ANO3: variants seen among roughly 807,000 people sequenced by gnomAD.
The protein encoded by ANO3 is anoctamin-3.
Under a neutral mutation model 144.8 loss-of-function variants are expected in ANO3, and 99 were observed. The observed-to-expected ratio is 0.68, with a 90% confidence interval of 0.58 to 0.81. ANO3 has a LOEUF of 0.81. ANO3 is among the 30% of genes least tolerant of loss of function. The probability of loss-of-function intolerance (pLI) is 0.00; values close to 1 mark genes in which losing one functional copy is unlikely to be tolerated. For synonymous variants in ANO3, 414 were observed against 392.6 expected, an observed-to-expected ratio of 1.05 and a Z score of -0.64; for missense variants, 905 against 1,202.2, an observed-to-expected ratio of 0.75 and a Z score of 3.66.
chr11:26,644,695 A>G (rs1045256240), intron 23 of ANO3, among the ~76,000 whole-genome samples: 10 of 152,256 alleles, frequency 6.6e-5, no homozygotes, highest in African/African-American at 2.2e-4. Context: ...GCATTTTTCT[A>G]ACCGTGAGAT....
chr11:26,658,079 C>T (rs1039243712), intron 26 of ANO3, among the ~76,000 whole-genome samples: 2 of 150,570 alleles, frequency 1.3e-5, no homozygotes, highest in Non-Finnish European at 3.0e-5. Flanking sequence ...CAGTGTTTTT[C>T]TTCTAGTGGT....
At chr11:26,191,102 C>T (rs866066788) in intron 1 of ANO3, among the ~76,000 whole-genome samples, 1 of 151,906 alleles carries the variant, frequency 6.6e-6, no homozygotes, top group Non-Finnish European at 1.5e-5. Flanking sequence ...CATGAAGAAA[C>T]CCTGTGTCTA....
chr11:26,311,836 C>T (rs955267306), intron 1 of ANO3, among the ~76,000 whole-genome samples: 1 of 151,988 alleles, frequency 6.6e-6, no homozygotes. Context: ...GATTAAAAGC[C>T]TTCTCTTGTT....
intron 14 of ANO3, among the ~76,000 whole-genome samples, chr11:26,568,273 T>A (rs1205852275): frequency 6.6e-6 from 1 of 152,058 alleles, no homozygotes; most frequent in South Asian, 2.1e-4. Flanking sequence ...TTAATCCCAC[T>A]TTACAGATGA....
chr11:26,425,949 T>A (rs1157634051), intron 1 of ANO3, among the ~76,000 whole-genome samples: 1 of 152,156 alleles, frequency 6.6e-6, no homozygotes, highest in Non-Finnish European at 1.5e-5. Flanking sequence ...ATATATTCCC[T>A]CTGTGCCTAC....
chr11:26,461,125 C>T (rs765797859), intron 3 of ANO3, among the ~76,000 whole-genome samples: 9 of 151,712 alleles, frequency 5.9e-5, no homozygotes, highest in Non-Finnish European at 1.3e-4. Flanking sequence ...AGCGAGCGAG[C>T]GCGAGAGTGC....
At chr11:26,534,676 A>G (rs1849459881) in intron 9 of ANO3, 114 bp downstream of exon 9, 2 of 643,470 alleles carry the variant, frequency 3.1e-6, no homozygotes, top group Admixed American at 2.8e-5. Flanking sequence ...GATGTGTATA[A>G]CATATTGAAC....
chr11:26,546,897 G>T (rs1849803890), intron 11 of ANO3, among the ~76,000 whole-genome samples: 3 of 151,840 alleles, frequency 2.0e-5, no homozygotes, highest in African/African-American at 7.3e-5. Context: ...GTTAACCAGG[G>T]TAAGTGCCAT....
chr11:26,616,276 C>T (rs1269082156), intron 17 of ANO3, among the ~76,000 whole-genome samples: 1 of 152,104 alleles, frequency 6.6e-6, no homozygotes, highest in East Asian at 1.9e-4. Flanking sequence ...CTAATTGTAC[C>T]TGTTGGAGGT....
chr11:26,281,731 GCCTAAGA>G (rs1346495690), intron 1 of ANO3, among the ~76,000 whole-genome samples: 1 of 152,106 alleles, frequency 6.6e-6, no homozygotes, highest in African/African-American at 2.4e-5. Flanking sequence ...AAATTCTAAA[GCCTAAGA>G]CCTTGGTTAT....
intron 1 of ANO3, among the ~76,000 whole-genome samples, chr11:26,404,894 TA>T (rs1480558285): frequency 1.3e-5 from 2 of 150,842 alleles, no homozygotes; most frequent in Non-Finnish European, 3.0e-5. Flanking sequence ...GAAGATTTGC[TA>T]ATAACCAGTG....
intron 18 of ANO3, among the ~76,000 whole-genome samples, chr11:26,625,395 G>GA (rs1852551824): frequency 6.6e-6 from 1 of 152,004 alleles, no homozygotes. Context: ...CCTGTCCCCC[G>GA]ACACTCCATC....
At position 26,250,035 on chromosome 11, in the gene ANO3, G is replaced by A. The variant is rs527682290; in HGVS notation, c.155-59610G>A. ...GGAAGTGGCCCACATCACTGTCCCT[G>A]TCGCTTCCAAAGGCCACTGGCTAGA... On this transcript the variant is annotated intron_variant, in intron 1 of 27. Coordinates refer to the ANO3 transcript ENST00000672621. Among the ~76,000 whole-genome samples the A allele has an allele frequency of 1.6e-4, 24 of 152,294 alleles. No individual in the cohort carries two copies. In the East Asian group the frequency reaches 4.4e-3, roughly 28 times the overall value.
chr11:26,371,588 T>C (rs951937646), intron 1 of ANO3, among the ~76,000 whole-genome samples: 1 of 152,180 alleles, frequency 6.6e-6, no homozygotes, highest in African/African-American at 2.4e-5. Flanking sequence ...CGCCAGCCCA[T>C]GAGGGCAGCC....
chr11:26,642,030 G>T lies in ANO3; in HGVS notation c.2275+1G>T. ...CTGATGGATGAGTACTTAGAAATGG[G>T]TAAGGAAAAAAAATCTGCAGGACTA... On this transcript the variant is annotated splice_donor_variant, in intron 22 of 26. Coordinates refer to ENST00000256737, the MANE Select transcript of ANO3 (RefSeq NM_031418.4). LOFTEE classifies it high-confidence loss of function. The T allele has an allele frequency of 1.2e-6, 2 of 1,606,722 alleles. No homozygotes were observed. Among genetic ancestry groups the T allele is most frequent in the Non-Finnish European group, 1.7e-6 (2 of 1,177,470 alleles).
chr11:26,373,092 A>G (rs772886499), intron 1 of ANO3, among the ~76,000 whole-genome samples: 11 of 152,182 alleles, frequency 7.2e-5, no homozygotes, highest in Non-Finnish European at 1.0e-4. Context: ...GCAATTATGT[A>G]TATACGGGCA....
At chr11:26,450,106 A>G (rs1858870278) in intron 3 of ANO3, among the ~76,000 whole-genome samples, 1 of 152,122 alleles carries the variant, frequency 6.6e-6, no homozygotes, top group South Asian at 2.1e-4. Flanking sequence ...CCTAATACAT[A>G]GTTGTTTAGA....
At position 26,508,326 on chromosome 11, in the gene ANO3, G is replaced by A. The variant is rs577138251; in HGVS notation, c.591+64G>A. On this transcript the variant is annotated intron_variant, in intron 5 of 26. Transcript: ENST00000256737. ...GTTGGAACAGATATAATCACTTATG[G>A]TTTAGAAAGAAAAATATGTATCACA... 5 of 1,442,286 alleles carry A rather than the reference G, an allele frequency of 3.5e-6. No individual in the cohort carries two copies. In the African/African-American group the frequency reaches 7.3e-5, roughly 21 times the overall value. 89.3% of individuals were successfully genotyped at this position (1,442,286 alleles called of 1,614,324 possible).
chr11:26,479,699 A>C (rs1343826462), intron 4 of ANO3, among the ~76,000 whole-genome samples: 1 of 152,188 alleles, frequency 6.6e-6, no homozygotes, highest in Non-Finnish European at 1.5e-5. Context: ...ACACAGCCAA[A>C]CCATATCAGT....
Sources: allele counts gnomAD v4.1 joint callset (sites outside exome capture counted in the v4.1 genomes callset), GRCh38; gene constraint gnomAD v4.1.1; transcripts MANE v1.5; gene names NCBI Gene and HGNC (gene_info 2026-07-23, HGNC 2026-07-21).